SUZ12: variants seen among roughly 807,000 people sequenced by gnomAD.
SUZ12 encodes polycomb protein SUZ12.
SUZ12 carries 17 observed loss-of-function variants against 87.3 expected under a neutral mutation model. That is an observed-to-expected ratio of 0.19 (90% CI 0.13 to 0.29). SUZ12 has a LOEUF of 0.29. Ranked by LOEUF, SUZ12 falls within the 10% of genes least tolerant of loss-of-function variation. The pLI is 1.00. For missense variants in SUZ12, 526 were observed against 912.2 expected, an observed-to-expected ratio of 0.58 and a Z score of 5.45; for synonymous variants, 253 against 312.4, an observed-to-expected ratio of 0.81 and a Z score of 2.01.
At chr17:31,961,498 C>G (rs530834726) in intron 4 of SUZ12, among the ~76,000 whole-genome samples, 23 of 152,256 alleles carry the variant, frequency 1.5e-4, no homozygotes, top group Admixed American at 1.3e-3. Flanking sequence ...GAGCTGAGAT[C>G]GCACCACTGC....
At chr17:31,959,287 G>C (rs1598159250) in intron 4 of SUZ12, among the ~76,000 whole-genome samples, 1 of 152,008 alleles carries the variant, frequency 6.6e-6, no homozygotes, top group African/African-American at 2.4e-5. Flanking sequence ...TTAAAAATTT[G>C]AATATTCAAG....
chr17:31,988,894 C>A lies in SUZ12; in HGVS notation c.1201+397C>A, dbSNP rs546877423. 2.0e-5 allele frequency among the ~76,000 whole-genome samples: 3 copies of A among 151,702 alleles called. No individual in the cohort carries two copies. The South Asian group carries it at 6.3e-4, about 32-fold the overall frequency. ...GATCATCCTGGCTAACACGGTGAAA[C>A]ACCGTCCCTACTAAAAATACAAAAA... is the stretch of plus-strand genomic sequence containing the variant. On this transcript the variant is annotated intron_variant, in intron 10 of 15. Transcript: ENST00000322652.
intron 1 of SUZ12, among the ~76,000 whole-genome samples, chr17:31,939,911 C>T (rs1281051352): frequency 6.6e-6 from 1 of 152,160 alleles, no homozygotes; most frequent in Non-Finnish European, 1.5e-5. Context: ...TTTGTTGACT[C>T]CAGCTGCCTA....
intron 5 of SUZ12, among the ~76,000 whole-genome samples, chr17:31,969,547 G>A (rs1908293198): frequency 6.6e-6 from 1 of 151,920 alleles, no homozygotes. Flanking sequence ...CACCCACCTC[G>A]GCCTCCCAAA....
At chr17:31,964,755 A>G (rs1907988336) in intron 4 of SUZ12, among the ~76,000 whole-genome samples, 1 of 152,090 alleles carries the variant, frequency 6.6e-6, no homozygotes, top group Admixed American at 6.6e-5. Context: ...CACTAAGTAG[A>G]TGGAGATATC....
At chr17:31,970,734 G>A (rs1333882773) in intron 5 of SUZ12, among the ~76,000 whole-genome samples, 5 of 151,900 alleles carry the variant, frequency 3.3e-5, no homozygotes, top group African/African-American at 7.3e-5. Flanking sequence ...CCCAGGAGGC[G>A]GAGGTTGCAG....
rs1910124847 is a variant in SUZ12, at chr17:31,998,991, A to T, written c.2208A>T (p.Lys736Asn). 1.3e-6 allele frequency: 2 copies of T among 1,547,374 alleles called. No individual in the cohort carries two copies. The highest frequency in any genetic ancestry group is 2.5e-5 in the South Asian group (2 of 80,080). ...CAGGGGTTTCAAAACAGAGCAAAAA[A>T]CAAAAACTCTGAAAAGCTCTAACCC... ...SVSGVSKQSKKQKL is the reference protein window; with the variant it reads ...SVSGVSKQSKNQKL The change falls in exon 16 of 16, where the codon AAA becomes AAT. Residue 736 changes from lysine (K) to asparagine (N), a missense_variant. Lys to Asn is a moderately conservative substitution (Grantham distance 94). Coordinates refer to ENST00000322652, the MANE Select transcript of SUZ12 (RefSeq NM_015355.4).
intron 5 of SUZ12, among the ~76,000 whole-genome samples, chr17:31,970,040 C>G (rs529643150): frequency 2.0e-5 from 3 of 152,280 alleles, no homozygotes; most frequent in South Asian, 4.1e-4. Context: ...ACCTCAGCCT[C>G]CCAAAGGGCT....
intron 4 of SUZ12, among the ~76,000 whole-genome samples, chr17:31,963,503 TGTTTTG>T (rs1907875585): frequency 2.3e-5 from 3 of 132,648 alleles, no homozygotes; most frequent in African/African-American, 1.2e-4. Context: ...TTTTTTGTTT[TGTTTTG>T]TTTTTTGAGA....
chr17:32,000,585 T>C lies in SUZ12; in HGVS notation c.*1582T>C. 4.3e-6 allele frequency: 1 copy of C among 232,126 alleles called. No homozygotes were observed. Among genetic ancestry groups the C allele is most frequent in the Non-Finnish European group, 8.5e-6 (1 of 117,482 alleles). The allele number at this position is 232,126 out of a possible 1,614,324, so 14.4% of individuals were successfully genotyped here. On this transcript the variant is annotated 3_prime_UTR_variant, in exon 16 of 16. Transcript: ENST00000322652. ...GATTTTTGCCTCTGGATAGTAGATCTCGAGCGTTTATCTCGGGCTTTAATT... is the reference window on the plus strand; with the variant it reads ...GATTTTTGCCTCTGGATAGTAGATCCCGAGCGTTTATCTCGGGCTTTAATT...
intron 4 of SUZ12, among the ~76,000 whole-genome samples, chr17:31,949,676 C>CTTTTTTTTTTTT (rs71360790): frequency 2.4e-4 from 3 of 12,372 alleles, no homozygotes; most frequent in African/African-American, 1.0e-3. Flanking sequence ...CCCCCCCCCC[C>CTTTTTTTTTTTT]TTTTTTTTTT....
At chr17:31,961,499 G>A (rs1189353061) in intron 4 of SUZ12, among the ~76,000 whole-genome samples, 2 of 151,854 alleles carry the variant, frequency 1.3e-5, no homozygotes, top group South Asian at 2.1e-4. Context: ...AGCTGAGATC[G>A]CACCACTGCA....
At chr17:31,963,864 A>C (rs532956079) in intron 4 of SUZ12, 1 of 152,050 alleles carries the variant, frequency 6.6e-6, no homozygotes, top group African/African-American at 2.4e-5. Context: ...TCTCCCATCC[A>C]AGTACCAACC....
At chr17:31,968,886 A>G (rs1462820839) in intron 5 of SUZ12, among the ~76,000 whole-genome samples, 1 of 152,216 alleles carries the variant, frequency 6.6e-6, no homozygotes, top group African/African-American at 2.4e-5. Flanking sequence ...CTTTTTTCCT[A>G]TCTTCATGAC....
At position 31,937,579 on chromosome 17, in the gene SUZ12, G is replaced by A. The variant is rs973360215; in HGVS notation, c.274+59G>A. 10 of 1,525,598 alleles carry A rather than the reference G, an allele frequency of 6.6e-6. 1 individual carries two copies. The African/African-American group carries it at 1.3e-4, about 19-fold the overall frequency. 94.5% of individuals were successfully genotyped at this position (1,525,598 alleles called of 1,614,324 possible). A position where few individuals can be genotyped will look rare whatever the true frequency, so the allele number is the denominator to read the frequency against. ...CCCACTCTGCCAACACCGGGGATGG[G>A]ACACTCTGCTGGGCCCCCTTCCTCC... On this transcript the variant is annotated intron_variant, in intron 1 of 15. Coordinates refer to ENST00000322652, the MANE Select transcript of SUZ12 (RefSeq NM_015355.4).
chr17:31,988,172 C>T, intron 9 of SUZ12, 148 bp from the exon 10 acceptor site: 1 of 711,708 alleles, frequency 1.4e-6, no homozygotes. Flanking sequence ...ACTTTGTTTG[C>T]CTAGCCGTCT....
At chr17:31,980,271 C>A (rs1909018361) in intron 8 of SUZ12, among the ~76,000 whole-genome samples, 1 of 151,508 alleles carries the variant, frequency 6.6e-6, no homozygotes. Context: ...TCTATTTATT[C>A]AATTAGTTTT....
At chr17:31,952,058 G>A (rs575143847) in intron 4 of SUZ12, among the ~76,000 whole-genome samples, 3 of 151,962 alleles carry the variant, frequency 2.0e-5, no homozygotes, top group Non-Finnish European at 2.9e-5. Flanking sequence ...TACAGGCTGA[G>A]CCACTGCGCC....
intron 14 of SUZ12, 98 bp downstream of exon 14, chr17:31,995,860 T>A (rs1241308064): frequency 1.1e-4 from 101 of 888,594 alleles, no homozygotes; most frequent in African/African-American, 2.2e-4. Context: ...AGGAACTTTT[T>A]TTAAAAAAAA....
Sources: allele counts gnomAD v4.1 joint callset (sites outside exome capture counted in the v4.1 genomes callset), GRCh38; gene constraint gnomAD v4.1.1; transcripts MANE v1.5; gene names NCBI Gene and HGNC (gene_info 2026-07-23, HGNC 2026-07-21).